PDE4D: variants seen among roughly 807,000 people sequenced by gnomAD.
PDE4D encodes 3',5'-cyclic-AMP phosphodiesterase 4D.
A neutral mutation model predicts 87.4 loss-of-function variants in PDE4D; 24 were observed. The observed-to-expected ratio is 0.27, with a 90% CI of 0.20 to 0.39. The LOEUF (loss-of-function observed/expected upper bound fraction) is 0.39, where lower values mean the gene tolerates loss of function less well. Ranked by LOEUF, PDE4D falls within the 10% of genes least tolerant of loss-of-function variation. PDE4D has a pLI of 1.00. For synonymous variants in PDE4D, 384 were observed against 383.2 expected (o/e 1.00, Z -0.02); for missense variants, 714 against 1,041.0 (o/e 0.69, Z 4.32).
chr5:59,811,579 G>C (rs1768353439), intron 1 of PDE4D, among the ~76,000 whole-genome samples: 1 of 152,138 alleles, frequency 6.6e-6, no homozygotes, highest in Non-Finnish European at 1.5e-5. Flanking sequence ...CTCTCCATGA[G>C]CTCAGGTTTC....
chr5:60,418,640 G>A (rs1311901916), intron 1 of PDE4D, among the ~76,000 whole-genome samples: 2 of 151,778 alleles, frequency 1.3e-5, no homozygotes, highest in Non-Finnish European at 2.9e-5. Flanking sequence ...TGGGGTACAT[G>A]AGATGTTTAC....
At chr5:60,107,067 G>A (rs1195454189) in intron 2 of PDE4D, among the ~76,000 whole-genome samples, 1 of 152,136 alleles carries the variant, frequency 6.6e-6, no homozygotes, top group Non-Finnish European at 1.5e-5. Context: ...ATGAATCCAG[G>A]AGCTGGTTTT....
At chr5:59,212,104 C>T (rs966552002) in intron 2 of PDE4D, among the ~76,000 whole-genome samples, 1 of 152,010 alleles carries the variant, frequency 6.6e-6, no homozygotes, top group Non-Finnish European at 1.5e-5. Flanking sequence ...TATATAACAT[C>T]ATTCTCTATA....
intron 1 of PDE4D, among the ~76,000 whole-genome samples, chr5:60,247,558 AAT>A (rs1274113197): frequency 6.6e-6 from 1 of 151,950 alleles, no homozygotes; most frequent in Non-Finnish European, 1.5e-5. Context: ...CATGGAAAAA[AAT>A]ATATAATAAT....
chr5:59,861,567 T>C (rs1034248350), intron 1 of PDE4D, among the ~76,000 whole-genome samples: 1 of 152,212 alleles, frequency 6.6e-6, no homozygotes, highest in African/African-American at 2.4e-5. Flanking sequence ...TCTTCAATTA[T>C]ATGGAGAAAA....
At chr5:59,656,005 C>T (rs1744291629) in intron 1 of PDE4D, among the ~76,000 whole-genome samples, 1 of 152,130 alleles carries the variant, frequency 6.6e-6, no homozygotes, top group Admixed American at 6.5e-5. Flanking sequence ...TACTTCCCCC[C>T]TCCTCCTACA....
intron 1 of PDE4D, among the ~76,000 whole-genome samples, chr5:59,266,864 A>T (rs1762940308): frequency 6.6e-6 from 1 of 152,074 alleles, no homozygotes; most frequent in South Asian, 2.1e-4. Context: ...CAATAAGAAC[A>T]ACAACAACAA....
intron 2 of PDE4D, among the ~76,000 whole-genome samples, chr5:59,206,351 T>C (rs1418051000): frequency 6.6e-6 from 1 of 152,200 alleles, no homozygotes; most frequent in Non-Finnish European, 1.5e-5. Context: ...ATGATTCATA[T>C]TGCAAGGGCT....
At chr5:59,848,995 A>G (rs1744285468) in intron 1 of PDE4D, among the ~76,000 whole-genome samples, 1 of 152,062 alleles carries the variant, frequency 6.6e-6, no homozygotes, top group Admixed American at 6.6e-5. Flanking sequence ...AGGAAAGACA[A>G]TTGAGCTGCC....
chr5:59,249,974 C>T (rs752860460), intron 1 of PDE4D, among the ~76,000 whole-genome samples: 8 of 151,962 alleles, frequency 5.3e-5, no homozygotes, highest in Admixed American at 2.0e-4. Context: ...CTCTTGAGAG[C>T]TGGTACTACA....
At chr5:59,775,736 G>A (rs1045854176) in intron 1 of PDE4D, among the ~76,000 whole-genome samples, 8 of 152,004 alleles carry the variant, frequency 5.3e-5, no homozygotes, top group South Asian at 2.1e-4. Context: ...ACATGATAAG[G>A]AACAAAATCC....
At chr5:60,466,569 A>AT (rs1403785371) in intron 1 of PDE4D, among the ~76,000 whole-genome samples, 2 of 152,178 alleles carry the variant, frequency 1.3e-5, no homozygotes, top group Non-Finnish European at 2.9e-5. Context: ...AAACATTAAT[A>AT]TTTTTTCTGT....
Position 59,457,008 on chromosome 5 carries a change from A to G in PDE4D, c.456-241040T>C, listed in dbSNP as rs1197699339. ...TAAAGATGCTATAAAAATTGTTGAA[A>G]TGACAATAAAAGATTTAAAATATTA... On this transcript the variant is annotated intron_variant, in intron 1 of 14. Coordinates refer to ENST00000340635, the MANE Select transcript of PDE4D (RefSeq NM_001104631.2). Among the ~76,000 whole-genome samples the G allele has an allele frequency of 2.0e-5, 3 of 152,256 alleles. No homozygotes were observed. In the East Asian group the frequency reaches 5.8e-4, roughly 29 times the overall value.
intron 1 of PDE4D, among the ~76,000 whole-genome samples, chr5:59,836,650 C>CTATCTATCTATATATCTATA (rs1162636243): frequency 2.6e-5 from 4 of 151,318 alleles, no homozygotes; most frequent in African/African-American, 9.7e-5. Context: ...ATCTATCTAT[C>CTATCTATCTATATATCTATA]TATCTATCAT....
At chr5:59,510,431 G>A (rs1490199744) in intron 1 of PDE4D, among the ~76,000 whole-genome samples, 1 of 151,418 alleles carries the variant, frequency 6.6e-6, no homozygotes, top group Admixed American at 6.6e-5. Context: ...AAGTAGTCTG[G>A]CAATTTGACA....
intron 1 of PDE4D, among the ~76,000 whole-genome samples, chr5:60,499,715 C>A (rs1749979138): frequency 6.6e-6 from 1 of 152,050 alleles, no homozygotes; most frequent in African/African-American, 2.4e-5. Flanking sequence ...ATTTCAGCAA[C>A]CCGATTGGTC....
chr5:59,018,824 C>T (rs1181743488), intron 6 of PDE4D, among the ~76,000 whole-genome samples: 1 of 151,988 alleles, frequency 6.6e-6, no homozygotes, highest in Non-Finnish European at 1.5e-5. Flanking sequence ...CCTGGAATTA[C>T]TTCATTTATT....
At chr5:59,152,676 C>A (rs191894285) in intron 5 of PDE4D, among the ~76,000 whole-genome samples, 1 of 151,680 alleles carries the variant, frequency 6.6e-6, no homozygotes, top group African/African-American at 2.4e-5. Context: ...CTAAATTGAC[C>A]GGTTATTTTG....
At chr5:60,398,838 A>T (rs1763076121) in intron 1 of PDE4D, among the ~76,000 whole-genome samples, 1 of 152,176 alleles carries the variant, frequency 6.6e-6, no homozygotes, top group African/African-American at 2.4e-5. Flanking sequence ...AAACAGACTC[A>T]GAGGGTGAAG....
Sources: allele counts gnomAD v4.1 joint callset (sites outside exome capture counted in the v4.1 genomes callset), GRCh38; gene constraint gnomAD v4.1.1; transcripts MANE v1.5; gene names NCBI Gene and HGNC (gene_info 2026-07-23, HGNC 2026-07-21).